FGF1: variants seen among roughly 807,000 people sequenced by gnomAD.
The protein encoded by FGF1 is fibroblast growth factor 1.
Under a neutral mutation model 13.4 loss-of-function variants are expected in FGF1, and 9 were observed. The ratio of observed to expected loss-of-function variants is 0.67; its 90% CI spans 0.40 to 1.17. The LOEUF (loss-of-function observed/expected upper bound fraction) is 1.17. Among genes scored for constraint, FGF1 ranks in the 50% most tolerant of loss-of-function variants. FGF1 has a pLI of 0.01. For missense variants in FGF1, 156 were observed against 192.7 expected (o/e 0.81, Z 1.13); for synonymous variants, 93 against 79.0 (o/e 1.18, Z -0.94).
chr5:142,647,837 A>G (rs1766443213), intron 1 of FGF1, among the ~76,000 whole-genome samples: 1 of 152,108 alleles, frequency 6.6e-6, no homozygotes, highest in African/African-American at 2.4e-5. Flanking sequence ...TAATCCCAGC[A>G]CTTTGGGAGA....
chr5:142,647,125 G>C (rs1455648481), intron 1 of FGF1, among the ~76,000 whole-genome samples: 1 of 152,142 alleles, frequency 6.6e-6, no homozygotes. Flanking sequence ...AAGCCAATTT[G>C]GCATATCGAT....
rs369653986 is a variant in FGF1, at chr5:142,614,152, G to T, written c.-25C>A. On this transcript the variant is annotated 5_prime_UTR_variant, in exon 2 of 4. Coordinates refer to ENST00000337706, the MANE Select transcript of FGF1 (RefSeq NM_000800.5). ...TGGCTCAGCAGCTGCTGCTTGTGGCGCTTTCAAGACTGTAAGAAATTGAAC... is the reference window on the plus strand; with the variant it reads ...TGGCTCAGCAGCTGCTGCTTGTGGCTCTTTCAAGACTGTAAGAAATTGAAC... The T allele has an allele frequency of 1.2e-6, 2 of 1,613,422 alleles. No individual in the cohort carries two copies. The highest frequency in any genetic ancestry group is 1.7e-6 in the Non-Finnish European group (2 of 1,179,558).
intron 1 of FGF1, among the ~76,000 whole-genome samples, chr5:142,632,205 G>T (rs1763487935): frequency 6.6e-6 from 1 of 152,186 alleles, no homozygotes; most frequent in Non-Finnish European, 1.5e-5. Flanking sequence ...CTGCTTAGAT[G>T]CTGCCTCCTG....
At chr5:142,598,021 G>A (rs1755657365) in intron 3 of FGF1, among the ~76,000 whole-genome samples, 2 of 152,160 alleles carry the variant, frequency 1.3e-5, no homozygotes, top group South Asian at 4.1e-4. Context: ...GATCATATTG[G>A]AACAAGATGA....
chr5:142,681,968 C>A (rs1277921755), intron 1 of FGF1, among the ~76,000 whole-genome samples: 1 of 152,206 alleles, frequency 6.6e-6, no homozygotes, highest in Admixed American at 6.5e-5. Flanking sequence ...GTGAACAAAG[C>A]TCCATGCCAA....
At chr5:142,620,660 T>C (rs890545292) in intron 1 of FGF1, among the ~76,000 whole-genome samples, 8 of 152,222 alleles carry the variant, frequency 5.3e-5, no homozygotes, top group Non-Finnish European at 1.5e-5. Flanking sequence ...GATTTTATAA[T>C]ACATTTCTGT....
chr5:142,631,870 G>A (rs530433607), intron 1 of FGF1, among the ~76,000 whole-genome samples: 16 of 136,958 alleles, frequency 1.2e-4, no homozygotes, highest in African/African-American at 4.4e-4. Context: ...TGCAAGCTCC[G>A]CCTCCTGGGT....
chr5:142,605,256 A>C (rs1358165105), intron 2 of FGF1, among the ~76,000 whole-genome samples: 8 of 147,886 alleles, frequency 5.4e-5, no homozygotes, highest in African/African-American at 2.0e-4. Context: ...ACAGGCACGC[A>C]CCATCATGCC....
chr5:142,664,248 G>A (rs1316266095), intron 1 of FGF1, among the ~76,000 whole-genome samples: 1 of 152,198 alleles, frequency 6.6e-6, no homozygotes, highest in Non-Finnish European at 1.5e-5. Flanking sequence ...AAATAACAAA[G>A]GCGCCCCCCA....
chr5:142,619,401 G>A (rs34016), intron 1 of FGF1, among the ~76,000 whole-genome samples: 41,906 of 152,044 alleles, frequency 0.28, 8,273 homozygotes, highest in African/African-American at 0.54. Context: ...AACAGGCCTT[G>A]GCTTTGGTTC....
chr5:142,593,560 C>T lies in FGF1; in HGVS notation c.*1730G>A, dbSNP rs1754668668. The T allele has an allele frequency of 1.3e-5, 2 of 152,168 alleles. No individual in the cohort carries two copies. The highest frequency in any genetic ancestry group is 2.9e-5 in the Non-Finnish European group (2 of 68,038). 9.4% of individuals were successfully genotyped at this position (152,168 alleles called of 1,614,324 possible). ...CAATTTCATATGAAACAGGAGCTAA[C>T]ACTCTCATCAATTTTTATTCACAAT... On this transcript the variant is annotated 3_prime_UTR_variant, in exon 4 of 4. Transcript: ENST00000337706.
chr5:142,680,994 A>G (rs1211799341), intron 1 of FGF1: 3 of 152,316 alleles, frequency 2.0e-5, no homozygotes, highest in South Asian at 4.1e-4. Context: ...TCTTATGCAC[A>G]TTAAAATTTG....
At chr5:142,642,980 C>A (rs1765432367) in intron 1 of FGF1, among the ~76,000 whole-genome samples, 1 of 152,130 alleles carries the variant, frequency 6.6e-6, no homozygotes, top group South Asian at 2.1e-4. Context: ...AGTCATTATG[C>A]TAAACATTTG....
At chr5:142,691,895 T>A (rs1752286669) in intron 2 of FGF1, among the ~76,000 whole-genome samples, 2 of 152,208 alleles carry the variant, frequency 1.3e-5, no homozygotes. Flanking sequence ...GCAGTTTTGT[T>A]TTCAGTTTAT....
intron 1 of FGF1, among the ~76,000 whole-genome samples, chr5:142,628,471 T>C (rs1284581634): frequency 6.6e-6 from 1 of 152,166 alleles, no homozygotes; most frequent in Non-Finnish European, 1.5e-5. Flanking sequence ...GATCGCACCA[T>C]TGTACTCCAG....
intron 2 of FGF1, among the ~76,000 whole-genome samples, chr5:142,612,307 A>T (rs1759232229): frequency 6.6e-6 from 1 of 152,220 alleles, no homozygotes; most frequent in Admixed American, 6.5e-5. Context: ...TGCTACAGAA[A>T]TTCCAGTATT....
At chr5:142,607,692 G>A (rs988356344) in intron 2 of FGF1, among the ~76,000 whole-genome samples, 5 of 152,206 alleles carry the variant, frequency 3.3e-5, no homozygotes, top group Non-Finnish European at 7.3e-5. Context: ...TACTAAGAAT[G>A]AGTTAAGAAG....
chr5:142,639,112 G>A (rs563175084), intron 1 of FGF1, among the ~76,000 whole-genome samples: 1 of 152,020 alleles, frequency 6.6e-6, no homozygotes, highest in South Asian at 2.1e-4. Flanking sequence ...ACAGTATAGA[G>A]GTTCCTCAAA....
intron 1 of FGF1, among the ~76,000 whole-genome samples, chr5:142,635,010 A>G (rs573542693): frequency 3.0e-4 from 46 of 152,110 alleles, no homozygotes; most frequent in African/African-American, 1.0e-3. Context: ...AATTTGGAGT[A>G]CTTCTTTTGA....
Sources: gnomAD v4.1 joint callset for allele counts (sites outside exome capture counted in the v4.1 genomes callset) on GRCh38, gnomAD v4.1.1 for gene constraint, MANE v1.5 for transcripts, NCBI Gene and HGNC (gene_info 2026-07-23, HGNC 2026-07-21) for gene names.